CORO7: variants seen among roughly 807,000 people sequenced by gnomAD.
The protein encoded by CORO7 is coronin-7.
In CORO7, 107 loss-of-function variants were observed where a neutral mutation model predicts 126.6. The ratio of observed to expected loss-of-function variants is 0.85; its 90% CI spans 0.72 to 0.99. CORO7 has a LOEUF of 0.99. Among genes scored for constraint, CORO7 ranks in the 50% least tolerant of loss-of-function variants. The probability of loss-of-function intolerance (pLI) is 0.00; values close to 1 mark genes in which losing one functional copy is unlikely to be tolerated. For missense variants in CORO7, 1,314 were observed against 1,255.8 expected (o/e 1.05, Z -0.70); for synonymous variants, 603 against 536.8 (o/e 1.12, Z -1.70).
At chr16:4,367,747 T>A (rs983912654) in intron 9 of CORO7, among the ~76,000 whole-genome samples, 1 of 151,922 alleles carries the variant, frequency 6.6e-6, no homozygotes, top group African/African-American at 2.4e-5. Flanking sequence ...AGGAACAAGA[T>A]GGACAATGTG....
intron 6 of CORO7, among the ~76,000 whole-genome samples, chr16:4,401,156 G>A (rs1036300330): frequency 6.6e-6 from 1 of 152,230 alleles, no homozygotes; most frequent in South Asian, 2.1e-4. Context: ...GAAGAACTTA[G>A]ACCTGGTCAT....
In CORO7 at chr16:4,378,954, G is replaced by A. The variant is rs1596302546; in HGVS notation, c.785+9032C>T. Among the ~76,000 whole-genome samples the A allele has an allele frequency of 4.6e-5, 7 of 152,188 alleles. 1 individual carries two copies. The South Asian group carries it at 1.0e-3, about 23-fold the overall frequency. On this transcript the variant is annotated intron_variant, in intron 9 of 27. Coordinates refer to ENST00000251166, the MANE Select transcript of CORO7 (RefSeq NM_024535.5). ...GATACTACACGTGGGCAGGGCCTGCGTGGGCCCAACCCCGGGGACAAGGGC... is the reference window on the plus strand; with the variant it reads ...GATACTACACGTGGGCAGGGCCTGCATGGGCCCAACCCCGGGGACAAGGGC...
intron 3 of CORO7, among the ~76,000 whole-genome samples, chr16:4,411,522 C>T (rs2056206981): frequency 1.3e-5 from 2 of 152,140 alleles, no homozygotes; most frequent in Admixed American, 1.3e-4. Context: ...GGCAATATAG[C>T]AAGACCTCGT....
intron 10 of CORO7, 99 bp downstream of exon 10, chr16:4,365,392 A>T: frequency 6.7e-7 from 1 of 1,502,162 alleles, no homozygotes; most frequent in Non-Finnish European, 9.0e-7. Context: ...ACAGGGGAAG[A>T]CACAGAGGCC....
chr16:4,387,731 A>G (rs2055242961), intron 9 of CORO7: 7 of 567,650 alleles, frequency 1.2e-5, no homozygotes, highest in Non-Finnish European at 3.2e-6. Context: ...ACCCCCAGCC[A>G]TGAAACCTCT....
At chr16:4,397,307 G>C (rs890369709) in intron 6 of CORO7, 1 of 151,868 alleles carries the variant, frequency 6.6e-6, no homozygotes, top group African/African-American at 2.4e-5. Flanking sequence ...ACCGGGCATG[G>C]TGGCACGCAC....
At position 4,358,270 on chromosome 16, in the gene CORO7, G is replaced by C. The variant is rs542833007; in HGVS notation, c.2457+97C>G. ...GGGGTAGGTGTCCCCATGAACAATG[G>C]GTAGGGAAGTTTGGAAGCTGGGTCA... On this transcript the variant is annotated intron_variant, in intron 24 of 27. Coordinates refer to ENST00000251166, the MANE Select transcript of CORO7 (RefSeq NM_024535.5). 1.3e-5 allele frequency: 20 copies of C among 1,540,636 alleles called. No homozygotes were observed. In the Admixed American group the frequency reaches 2.1e-4, roughly 16 times the overall value.
At chr16:4,412,166 T>C (rs993245079) in intron 3 of CORO7, among the ~76,000 whole-genome samples, 190 bp downstream of exon 3, 1 of 151,944 alleles carries the variant, frequency 6.6e-6, no homozygotes, top group Admixed American at 6.6e-5. Flanking sequence ...CCCTCCTCAC[T>C]GCCCAGGCCG....
At chr16:4,371,400 T>C (rs556633402) in intron 9 of CORO7, among the ~76,000 whole-genome samples, 5 of 152,200 alleles carry the variant, frequency 3.3e-5, no homozygotes, top group South Asian at 2.1e-4. Flanking sequence ...CCTAAAAATC[T>C]GGATTTCCAG....
intron 8 of CORO7, 86 bp downstream of exon 8, chr16:4,388,459 C>A: frequency 6.9e-7 from 1 of 1,449,154 alleles, no homozygotes; most frequent in South Asian, 1.3e-5. Context: ...CTCAGTCCCC[C>A]GCCTCCCATT....
Position 4,358,376 on chromosome 16 carries a change from G to A in CORO7, c.2448C>T (p.Pro816=), listed in dbSNP as rs1254086700. 2.5e-6 allele frequency: 4 copies of A among 1,612,496 alleles called. No homozygotes were observed. Among genetic ancestry groups the A allele is most frequent in the Non-Finnish European group, 3.4e-6 (4 of 1,179,712 alleles). Residue 816 remains proline, a synonymous_variant, in exon 24 of 28, where the codon CCC becomes CCT. Transcript: ENST00000251166. ...AGGTCCCCACCCTCACCCGGACTCGGGGCAGCCGGAAGGCCACAGGCTCCA... is the reference window on the plus strand; with the variant it reads ...AGGTCCCCACCCTCACCCGGACTCGAGGCAGCCGGAAGGCCACAGGCTCCA... The part of the protein sequence containing the change: ...SSLEPVAFRL[P]RVRKEFFQDD...
chr16:4,381,098 G>A, intron 9 of CORO7: 1 of 1,606,670 alleles, frequency 6.2e-7, no homozygotes, highest in Non-Finnish European at 8.5e-7. Flanking sequence ...AGCTTTGCCG[G>A]CCTGCCGGGC....
chr16:4,372,529 G>T (rs1165724932), intron 9 of CORO7, among the ~76,000 whole-genome samples: 1 of 152,176 alleles, frequency 6.6e-6, no homozygotes. Flanking sequence ...CCCTCCAGGT[G>T]GGGGATGGAC....
chr16:4,365,382 AC>A, intron 10 of CORO7, 108 bp downstream of exon 10: 3 of 1,473,368 alleles, frequency 2.0e-6, no homozygotes, highest in Non-Finnish European at 2.7e-6. Flanking sequence ...CCTTGGCTGC[AC>A]AGGGGAAGAC....
intron 2 of CORO7, 47 bp from the exon 3 acceptor site, chr16:4,412,477 C>T (rs368020723): frequency 1.2e-5 from 19 of 1,601,026 alleles, no homozygotes; most frequent in Admixed American, 1.7e-5. Flanking sequence ...CACAGGGCCA[C>T]CCACCTCCTT....
At chr16:4,367,324 G>C (rs887011301) in intron 9 of CORO7, among the ~76,000 whole-genome samples, 67 of 152,332 alleles carry the variant, frequency 4.4e-4, no homozygotes, top group African/African-American at 1.6e-3. Context: ...ACTGACACTG[G>C]CTCCACTGGG....
At chr16:4,391,303 C>T (rs1596318667) in intron 7 of CORO7, among the ~76,000 whole-genome samples, 1 of 152,298 alleles carries the variant, frequency 6.6e-6, no homozygotes, top group East Asian at 1.9e-4. Context: ...CACCTGTAAT[C>T]TTGGCATTTT....
chr16:4,408,277 AC>A, intron 3 of CORO7, 26 bp from the exon 4 acceptor site: 1 of 1,614,134 alleles, frequency 6.2e-7, no homozygotes, highest in Non-Finnish European at 8.5e-7. Flanking sequence ...GGCTGAACCC[AC>A]CGGAATGTCC....
At chr16:4,394,515 C>A (rs2055513970) in intron 7 of CORO7, among the ~76,000 whole-genome samples, 1 of 152,218 alleles carries the variant, frequency 6.6e-6, no homozygotes, top group Non-Finnish European at 1.5e-5. Context: ...CCCGTATCCC[C>A]CAGCGCCCCT....
Sources: allele counts gnomAD v4.1 joint callset (sites outside exome capture counted in the v4.1 genomes callset), GRCh38; gene constraint gnomAD v4.1.1; transcripts MANE v1.5; gene names NCBI Gene and HGNC (gene_info 2026-07-23, HGNC 2026-07-21).